The following CBFB variants were observed in gnomAD, a reference collection of about 807,000 sequenced individuals.
CBFB encodes core-binding factor subunit beta.
A neutral mutation model predicts 30.4 loss-of-function variants in CBFB; 9 were observed. The ratio of observed to expected loss-of-function variants is 0.30; its 90% confidence interval spans 0.18 to 0.52. The LOEUF is 0.52. Among genes scored for constraint, CBFB ranks in the 20% least tolerant of loss-of-function variants. CBFB has a pLI of 0.97. For missense variants in CBFB, 170 were observed against 244.0 expected, an observed-to-expected ratio of 0.70 and a Z score of 2.02; for synonymous variants, 94 against 84.0, an observed-to-expected ratio of 1.12 and a Z score of -0.65.
chr16:67,030,067 C>T (rs1469419626), intron 2 of CBFB: 2 of 430,500 alleles, frequency 4.6e-6, no homozygotes, highest in Non-Finnish European at 4.1e-6. Context: ...CGAACCCGAG[C>T]CAGACTAAAC....
intron 4 of CBFB, among the ~76,000 whole-genome samples, chr16:67,071,687 G>A (rs1315019032): frequency 6.6e-6 from 1 of 152,120 alleles, no homozygotes; most frequent in East Asian, 1.9e-4. Context: ...TCCTAAGATG[G>A]GATAATGCTG....
intron 5 of CBFB, among the ~76,000 whole-genome samples, chr16:67,090,520 T>C (rs938422252): frequency 5.3e-5 from 8 of 152,182 alleles, no homozygotes; most frequent in African/African-American, 1.7e-4. Context: ...AAAGGACAGA[T>C]TTCATGCTCT....
At chr16:67,055,353 C>CTTTTTTTT (rs1960686305) in intron 3 of CBFB, among the ~76,000 whole-genome samples, 2 of 117,434 alleles carry the variant, frequency 1.7e-5, no homozygotes, top group Admixed American at 8.3e-5. Context: ...ATTCCAGACA[C>CTTTTTTTT]TTTCTTTTTT....
chr16:67,059,310 A>G (rs944167344), intron 3 of CBFB, among the ~76,000 whole-genome samples: 24 of 152,154 alleles, frequency 1.6e-4, no homozygotes, highest in African/African-American at 5.1e-4. Context: ...TAGCTACTTA[A>G]GTTTGGTTCA....
At chr16:67,071,816 T>C (rs776381027) in intron 4 of CBFB, among the ~76,000 whole-genome samples, 5 of 152,160 alleles carry the variant, frequency 3.3e-5, no homozygotes, top group African/African-American at 4.8e-5. Context: ...GCTTGTACTT[T>C]AGCATTTTAT....
At chr16:67,055,623 T>C (rs1158810999) in intron 3 of CBFB, among the ~76,000 whole-genome samples, 1 of 152,118 alleles carries the variant, frequency 6.6e-6, no homozygotes, top group African/African-American at 2.4e-5. Flanking sequence ...CCCAAAGTGC[T>C]GGGATTACAG....
At chr16:67,029,567 C>G (rs1966294533) in intron 1 of CBFB, 82 bp downstream of exon 1, 1 of 1,407,350 alleles carries the variant, frequency 7.1e-7, no homozygotes, top group Non-Finnish European at 9.6e-7. Context: ...GCGGCACGGT[C>G]CCCGGGAGTC....
chr16:67,036,502 T>C (rs1966442001), intron 2 of CBFB, 137 bp from the exon 3 acceptor site: 1 of 585,206 alleles, frequency 1.7e-6, no homozygotes, highest in Non-Finnish European at 3.1e-6. Context: ...AAATGATGAG[T>C]GCATGTTTTT....
intron 3 of CBFB, among the ~76,000 whole-genome samples, chr16:67,053,088 C>CT (rs1317394530): frequency 1.3e-5 from 2 of 151,582 alleles, no homozygotes; most frequent in Non-Finnish European, 2.9e-5. Flanking sequence ...AAAATAATCA[C>CT]TATCCTGATT....
At chr16:67,096,391 T>C (rs778945701) in intron 5 of CBFB, among the ~76,000 whole-genome samples, 4 of 152,020 alleles carry the variant, frequency 2.6e-5, no homozygotes, top group Non-Finnish European at 4.4e-5. Context: ...ATATTTGTGC[T>C]TGGCCAACAT....
chr16:67,092,782 G>A (rs1219059229), intron 5 of CBFB, among the ~76,000 whole-genome samples: 1 of 133,946 alleles, frequency 7.5e-6, no homozygotes, highest in African/African-American at 2.9e-5. Flanking sequence ...GCCAGATCTC[G>A]GCTCACTGAA....
intron 3 of CBFB, among the ~76,000 whole-genome samples, chr16:67,047,836 G>C (rs1966655388): frequency 6.6e-6 from 1 of 152,102 alleles, no homozygotes; most frequent in Admixed American, 6.6e-5. Flanking sequence ...TGGAAGGCCA[G>C]GGCGGGTGGA....
chr16:67,030,896 A>G (rs1169264142), intron 2 of CBFB, among the ~76,000 whole-genome samples: 1 of 152,112 alleles, frequency 6.6e-6, no homozygotes, highest in East Asian at 1.9e-4. Context: ...GTCTGGCCTG[A>G]TTATTTTTTA....
In CBFB at chr16:67,055,357, C is replaced by CTTTTTTTTTTTTTTTTTTTTT. The variant is rs1163773529; in HGVS notation, c.283-11318_283-11298dup. On this transcript the variant is annotated intron_variant, in intron 3 of 5. Coordinates refer to ENST00000412916, the MANE Select transcript of CBFB (RefSeq NM_022845.3). ...AAATCTATTGAATTCCAGACACTTT[C>CTTTTTTTTTTTTTTTTTTTTT]TTTTTTTTTTTTTTTTTTTTTTTTT... Among the ~76,000 whole-genome samples the CTTTTTTTTTTTTTTTTTTTTT allele has an allele frequency of 1.5e-4, 12 of 81,466 alleles. 3 individuals carry two copies. Among genetic ancestry groups the CTTTTTTTTTTTTTTTTTTTTT allele is most frequent in the African/African-American group, 2.2e-4 (4 of 18,444 alleles). 53.4% of individuals were successfully genotyped at this position (81,466 alleles called of 152,430 possible).
chr16:67,065,578 G>C (rs1202254183), intron 3 of CBFB, among the ~76,000 whole-genome samples: 2 of 151,808 alleles, frequency 1.3e-5, no homozygotes, highest in African/African-American at 2.4e-5. Context: ...AGGTCTCTCT[G>C]TGTTGCCCAG....
chr16:67,045,516 G>GA (rs558443024), intron 3 of CBFB, among the ~76,000 whole-genome samples: 5,660 of 144,552 alleles, frequency 0.039, 146 homozygotes, highest in South Asian at 0.084. Flanking sequence ...GACTCTGTCT[G>GA]AAAAAAAAAA....
chr16:67,086,630 T>G (rs1370456681), intron 5 of CBFB, among the ~76,000 whole-genome samples: 1 of 152,214 alleles, frequency 6.6e-6, no homozygotes, highest in Non-Finnish European at 1.5e-5. Flanking sequence ...TGATAGTTCA[T>G]GTAGATAATA....
chr16:67,029,367 G>T lies in CBFB; in HGVS notation c.-41G>T. On this transcript the variant is annotated 5_prime_UTR_variant, in exon 1 of 6. Transcript: ENST00000412916. The stretch of plus-strand genomic sequence containing the variant: ...AGCCAGCCAGCGGGTGCCCGCGCAA[G>T]CCCCGAGCGCGGCCGGCCGGCGCGG... 3 of 1,436,134 alleles carry T rather than the reference G, an allele frequency of 2.1e-6. No homozygotes were observed. The highest frequency in any genetic ancestry group is 1.5e-5 in the African/African-American group (1 of 66,966). 89.0% of individuals were successfully genotyped at this position (1,436,134 alleles called of 1,614,324 possible).
intron 5 of CBFB, among the ~76,000 whole-genome samples, chr16:67,090,380 A>G (rs1436793139): frequency 6.6e-6 from 1 of 152,228 alleles, no homozygotes; most frequent in African/African-American, 2.4e-5. Context: ...GAAGCATCCT[A>G]GCACCTTTTC....
Sources: allele counts gnomAD v4.1 joint callset (sites outside exome capture counted in the v4.1 genomes callset), GRCh38; gene constraint gnomAD v4.1.1; transcripts MANE v1.5; gene names NCBI Gene and HGNC (gene_info 2026-07-23, HGNC 2026-07-21).